USP3: variants seen among roughly 807,000 people sequenced by gnomAD.
The protein encoded by USP3 is ubiquitin carboxyl-terminal hydrolase 3.
USP3 carries 20 observed loss-of-function variants against 72.3 expected under a neutral mutation model. The observed-to-expected ratio is 0.28, with a 90% confidence interval of 0.19 to 0.40. The LOEUF is 0.40. Among genes scored for constraint, USP3 ranks in the 10% least tolerant of loss-of-function variants. USP3 has a pLI of 1.00. For missense variants in USP3, 479 were observed against 633.9 expected (o/e 0.76, Z 2.62); for synonymous variants, 222 against 225.3 (o/e 0.99, Z 0.13).
rs186593381 is a variant in USP3, at chr15:63,514,646, A to G, written c.91+9816A>G. ...ATTGTACAATGCAGATATTAAGCCT[A>G]TTGTTCTCCAAGGAAAGTCTTTGAT... On this transcript the variant is annotated intron_variant, in intron 1 of 14. Coordinates refer to ENST00000380324, the MANE Select transcript of USP3 (RefSeq NM_006537.4). Among the ~76,000 whole-genome samples, 167 of 152,230 alleles carry G rather than the reference A, an allele frequency of 1.1e-3. 1 individual carries two copies. The highest frequency in any genetic ancestry group is 3.8e-3 in the African/African-American group (156 of 41,534).
intron 1 of USP3, among the ~76,000 whole-genome samples, chr15:63,522,887 C>T (rs993655565): frequency 1.3e-5 from 2 of 152,056 alleles, no homozygotes; most frequent in Admixed American, 6.5e-5. Context: ...GATTAGTGAA[C>T]CAGGATTTAA....
At chr15:63,549,219 TA>T (rs1275838668) in intron 3 of USP3, among the ~76,000 whole-genome samples, 1 of 152,224 alleles carries the variant, frequency 6.6e-6, no homozygotes, top group African/African-American at 2.4e-5. Flanking sequence ...GAAGTTTTGA[TA>T]AAAAATATTT....
chr15:63,521,800 G>A (rs927028356), intron 1 of USP3, among the ~76,000 whole-genome samples: 1 of 152,152 alleles, frequency 6.6e-6, no homozygotes, highest in Non-Finnish European at 1.5e-5. Flanking sequence ...AATGGCAGTA[G>A]GACAAGACAA....
intron 1 of USP3, 97 bp downstream of exon 1, chr15:63,504,927 G>C: frequency 1.0e-6 from 1 of 997,542 alleles, no homozygotes; most frequent in Non-Finnish European, 1.3e-6. Context: ...GCGCGGACTC[G>C]GGGAGGGGCG....
At chr15:63,561,839 G>A (rs892868315) in intron 7 of USP3, among the ~76,000 whole-genome samples, 1 of 152,198 alleles carries the variant, frequency 6.6e-6, no homozygotes, top group Non-Finnish European at 1.5e-5. Context: ...AGAAGATATT[G>A]AGATTCTCTG....
chr15:63,546,327 G>A (rs2066327032), intron 3 of USP3, among the ~76,000 whole-genome samples: 1 of 152,230 alleles, frequency 6.6e-6, no homozygotes, highest in Admixed American at 6.5e-5. Context: ...ACGTTTAACT[G>A]TGTTTTGTAA....
Position 63,592,128 on chromosome 15 carries a change from G to C in USP3, c.*1302G>C, listed in dbSNP as rs2067213379. On this transcript the variant is annotated 3_prime_UTR_variant, in exon 15 of 15. Coordinates refer to ENST00000380324, the MANE Select transcript of USP3 (RefSeq NM_006537.4). ...GACGGGGGTTTACCATGTTGGCTAG[G>C]GTGGTCTCAACCTCCCTCCTGACCT... 2 of 151,990 alleles carry C rather than the reference G, an allele frequency of 1.3e-5. No individual in the cohort carries two copies. Among genetic ancestry groups the C allele is most frequent in the Admixed American group, 1.3e-4 (2 of 15,262 alleles). 9.4% of individuals were successfully genotyped at this position (151,990 alleles called of 1,614,324 possible). A position where few individuals can be genotyped will look rare whatever the true frequency, so the allele number is the denominator to read the frequency against.
chr15:63,584,891 G>GACTT (rs1367683880), intron 11 of USP3, among the ~76,000 whole-genome samples: 1 of 152,066 alleles, frequency 6.6e-6, no homozygotes, highest in African/African-American at 2.4e-5. Flanking sequence ...ATAGTTTTAA[G>GACTT]ACTTATGTTT....
At chr15:63,563,333 T>A (rs569407942) in intron 8 of USP3, among the ~76,000 whole-genome samples, 1 of 152,356 alleles carries the variant, frequency 6.6e-6, no homozygotes, top group South Asian at 2.1e-4. Context: ...GTAGAATAAT[T>A]ACCATCACAC....
chr15:63,548,882 A>C (rs1179797457), intron 3 of USP3, among the ~76,000 whole-genome samples: 2 of 152,152 alleles, frequency 1.3e-5, no homozygotes, highest in Non-Finnish European at 2.9e-5. Flanking sequence ...CTTATAGTTC[A>C]ATAAAGTTAA....
chr15:63,578,017 G>A (rs1013581294), intron 11 of USP3, among the ~76,000 whole-genome samples: 3 of 152,016 alleles, frequency 2.0e-5, no homozygotes, highest in Admixed American at 2.0e-4. Context: ...TGGGTGCAGT[G>A]TAGTCCCAGC....
rs371845214 is a variant in USP3 at position 63,577,402 on chromosome 15, G to A, written c.1096+2999G>A. On this transcript the variant is annotated intron_variant, in intron 11 of 14. Coordinates refer to ENST00000380324, the MANE Select transcript of USP3 (RefSeq NM_006537.4). ...AGCACTTTGGAAGGCTAAGGTGGGA[G>A]CATTGCTTGACCCCAGGAGTTTGAG... is the stretch of plus-strand genomic sequence containing the variant. Among the ~76,000 whole-genome samples, 33 of 152,266 alleles carry A rather than the reference G, an allele frequency of 2.2e-4. No homozygotes were observed. In the South Asian group the frequency reaches 6.6e-3, roughly 31 times the overall value.
rs183283827 is a variant in USP3 at position 63,552,959 on chromosome 15, C to T, written c.285-756C>T. ...GTAAATTGTTTTTGTTAAAATTGGC[C>T]TTATCCCAGGAAAAAATTAAATGCT... is the stretch of plus-strand genomic sequence containing the variant. On this transcript the variant is annotated intron_variant, in intron 3 of 14. Transcript: ENST00000380324. Among the ~76,000 whole-genome samples, 3 of 152,222 alleles carry T rather than the reference C, an allele frequency of 2.0e-5. No homozygotes were observed. The East Asian group carries it at 5.8e-4, about 29-fold the overall frequency.
chr15:63,516,489 A>G (rs2152650375), intron 1 of USP3, among the ~76,000 whole-genome samples: 1 of 152,186 alleles, frequency 6.6e-6, no homozygotes, highest in Admixed American at 6.5e-5. Context: ...CTCTAATTGC[A>G]TGGCACATTA....
chr15:63,518,161 T>C (rs2065876012), intron 1 of USP3, among the ~76,000 whole-genome samples: 1 of 152,204 alleles, frequency 6.6e-6, no homozygotes, highest in South Asian at 2.1e-4. Context: ...ACTGAAATTT[T>C]ACATTAATCT....
chr15:63,563,582 A>G (rs2066642227), intron 8 of USP3, among the ~76,000 whole-genome samples: 1 of 152,192 alleles, frequency 6.6e-6, no homozygotes, highest in East Asian at 1.9e-4. Context: ...CCTAGCTGTC[A>G]GAGGAATCCT....
At position 63,585,898 on chromosome 15, in the gene USP3, TTAGAG is replaced by T. The variant is rs943609638; in HGVS notation, c.1097-2404_1097-2400del. 1.7e-4 allele frequency among the ~76,000 whole-genome samples: 26 copies of T among 152,146 alleles called. 1 individual carries two copies. Among genetic ancestry groups the T allele is most frequent in the Admixed American group, 1.4e-3 (21 of 15,280 alleles). ...GTCTTTTGCCATTCCATAATAAACT[TTAGAG>T]TAATTTTGTCACCATCCACAAAATA... is the stretch of plus-strand genomic sequence containing the variant. On this transcript the variant is annotated intron_variant, in intron 11 of 14. Transcript: ENST00000380324.
At chr15:63,568,222 C>T (rs1258243442) in intron 8 of USP3, among the ~76,000 whole-genome samples, 1 of 151,958 alleles carries the variant, frequency 6.6e-6, no homozygotes. Flanking sequence ...CGTGGTGGCA[C>T]GTGCCTGTAA....
At chr15:63,545,617 A>T (rs1330535872) in intron 3 of USP3, among the ~76,000 whole-genome samples, 1 of 151,842 alleles carries the variant, frequency 6.6e-6, no homozygotes, top group Non-Finnish European at 1.5e-5. Flanking sequence ...TTTTTCGTAA[A>T]TACTGCTTTC....
Sources: allele counts gnomAD v4.1 joint callset (sites outside exome capture counted in the v4.1 genomes callset), GRCh38; gene constraint gnomAD v4.1.1; transcripts MANE v1.5; gene names NCBI Gene and HGNC (gene_info 2026-07-23, HGNC 2026-07-21).